The following CFAP95 variants were observed in gnomAD, a reference collection of about 807,000 sequenced individuals.
CFAP95 encodes cilia and flagella associated protein 95.
the CFAP95 span, among the ~76,000 whole-genome samples, chr9:69,877,506 C>T: frequency 6.6e-6 from 1 of 152,282 alleles, no homozygotes; most frequent in Admixed American, 6.5e-5. Context: ...ACTTGTATAT[C>T]TTCTGTTACA....
chr9:69,857,974 A>C, the CFAP95 span: 1 of 1,613,700 alleles, frequency 6.2e-7, no homozygotes, highest in Non-Finnish European at 8.5e-7. Flanking sequence ...GATTGGAGCA[A>C]AATGTTAGTA....
the CFAP95 span, among the ~76,000 whole-genome samples, chr9:69,895,389 G>GTGTC: frequency 6.6e-6 from 1 of 151,308 alleles, no homozygotes; most frequent in Non-Finnish European, 1.5e-5. Context: ...GTGTGTGTGT[G>GTGTC]TGTGTGTATT....
the CFAP95 span, among the ~76,000 whole-genome samples, chr9:69,849,495 T>C: frequency 4.6e-5 from 7 of 152,136 alleles, no homozygotes; most frequent in Admixed American, 1.3e-4. Flanking sequence ...ATTCAAAAAT[T>C]GGTGCCTGTA....
chr9:69,844,765 C>A, the CFAP95 span: 6 of 568,534 alleles, frequency 1.1e-5, no homozygotes, highest in Non-Finnish European at 1.8e-5. Flanking sequence ...TCACTGTGTG[C>A]TGAAGCAACA....
chr9:69,905,944 T>C, the CFAP95 span: 2,375 of 1,498,448 alleles, frequency 1.6e-3, 3 homozygotes, highest in Non-Finnish European at 2.0e-3. Flanking sequence ...TTCTCTTTTT[T>C]CCCCCATAGG....
At chr9:69,841,338 G>A in the CFAP95 span, among the ~76,000 whole-genome samples, 1 of 151,654 alleles carries the variant, frequency 6.6e-6, no homozygotes, top group African/African-American at 2.4e-5. Context: ...GTGTGCTGCT[G>A]TAGGGATGTA....
the CFAP95 span, among the ~76,000 whole-genome samples, chr9:69,870,004 A>AT: frequency 6.6e-6 from 1 of 152,226 alleles, no homozygotes; most frequent in African/African-American, 2.4e-5. Flanking sequence ...CTTCACAGGA[A>AT]TAAGAAATTT....
the CFAP95 span, among the ~76,000 whole-genome samples, chr9:69,828,011 T>A: frequency 6.6e-6 from 1 of 152,230 alleles, no homozygotes; most frequent in South Asian, 2.1e-4. Context: ...TTCTAAAGTG[T>A]TCTTCAGAAG....
At chr9:69,867,557 G>T in the CFAP95 span, among the ~76,000 whole-genome samples, 9 of 152,174 alleles carry the variant, frequency 5.9e-5, no homozygotes, top group Non-Finnish European at 1.0e-4. Flanking sequence ...GCATGCTGCT[G>T]CTCCCAGCAA....
chr9:69,869,591 A>T, the CFAP95 span, among the ~76,000 whole-genome samples: 1 of 152,226 alleles, frequency 6.6e-6, no homozygotes, highest in Non-Finnish European at 1.5e-5. Context: ...ATAAGAAAGT[A>T]GGTCTGAATT....
the CFAP95 span, among the ~76,000 whole-genome samples, chr9:69,895,369 C>CTCTCTCTCTG: frequency 2.9e-4 from 31 of 107,914 alleles, no homozygotes; most frequent in African/African-American, 7.5e-4. Context: ...CTCTCTCTCT[C>CTCTCTCTCTG]TGTGTGTGTG....
At chr9:69,843,922 T>C in the CFAP95 span, among the ~76,000 whole-genome samples, 2 of 152,004 alleles carry the variant, frequency 1.3e-5, no homozygotes, top group East Asian at 3.9e-4. Context: ...AGGCGTGTGT[T>C]ACTGTTCCCT....
chr9:69,906,125 G>A, the CFAP95 span: 8 of 1,596,892 alleles, frequency 5.0e-6, no homozygotes, highest in African/African-American at 9.5e-5. Context: ...TGGGCCTATT[G>A]TGCCAATTTA....
the CFAP95 span, among the ~76,000 whole-genome samples, chr9:69,845,496 G>A: frequency 1.3e-5 from 2 of 152,196 alleles, no homozygotes; most frequent in African/African-American, 2.4e-5. Context: ...TTGAAATGGG[G>A]CAGGTGTAAA....
the CFAP95 span, among the ~76,000 whole-genome samples, chr9:69,887,192 C>G: frequency 6.6e-6 from 1 of 152,096 alleles, no homozygotes; most frequent in Non-Finnish European, 1.5e-5. Flanking sequence ...GAATAAGAAC[C>G]CACTTTCTAT....
chr9:69,843,799 C>A, the CFAP95 span, among the ~76,000 whole-genome samples: 1 of 150,950 alleles, frequency 6.6e-6, no homozygotes, highest in Non-Finnish European at 1.5e-5. Flanking sequence ...TGCCACCAAG[C>A]CCAACTGATT....
chr9:69,848,924 A>G, the CFAP95 span, among the ~76,000 whole-genome samples: 1 of 152,324 alleles, frequency 6.6e-6, no homozygotes, highest in East Asian at 1.9e-4. Context: ...ATCAAGGAGC[A>G]TGAGAAAGAA....
the CFAP95 span, among the ~76,000 whole-genome samples, chr9:69,857,005 G>A: frequency 6.8e-6 from 1 of 147,712 alleles, no homozygotes; most frequent in Non-Finnish European, 1.5e-5. Flanking sequence ...AAGTTATTTG[G>A]TGTTTATAAC....
the CFAP95 span, among the ~76,000 whole-genome samples, chr9:69,823,018 GTACATTTTCA>G: frequency 6.6e-6 from 1 of 152,138 alleles, no homozygotes; most frequent in Non-Finnish European, 1.5e-5. Flanking sequence ...AGCTGTATGA[GTACATTTTCA>G]TACAGCTATA....
Sources: allele counts gnomAD v4.1 joint callset (sites outside exome capture counted in the v4.1 genomes callset), GRCh38; gene constraint gnomAD v4.1.1; transcripts MANE v1.5; gene names NCBI Gene and HGNC (gene_info 2026-07-23, HGNC 2026-07-21).